DLGAP2: variants seen among roughly 807,000 people sequenced by gnomAD.
The protein encoded by DLGAP2 is disks large-associated protein 2.
A neutral mutation model predicts 100.3 loss-of-function variants in DLGAP2; 26 were observed. The observed-to-expected ratio is 0.26, with a 90% CI of 0.19 to 0.36. DLGAP2 has a LOEUF of 0.36. DLGAP2 is among the 10% of genes least tolerant of loss of function. The probability of loss-of-function intolerance (pLI) is 1.00; values close to 1 mark genes in which losing one functional copy is unlikely to be tolerated. For synonymous variants in DLGAP2, 886 were observed against 630.1 expected (o/e 1.41, Z -6.08); for missense variants, 1,858 against 1,453.2 (o/e 1.28, Z -4.53).
chr8:932,828 A>T (rs1011847811), intron 2 of DLGAP2, among the ~76,000 whole-genome samples: 4 of 152,206 alleles, frequency 2.6e-5, no homozygotes, highest in Non-Finnish European at 5.9e-5. Context: ...TAAAAAAAAA[A>T]TTTCTTAAGA....
chr8:870,741 C>A (rs1336809371), intron 1 of DLGAP2, among the ~76,000 whole-genome samples: 2 of 152,120 alleles, frequency 1.3e-5, no homozygotes, highest in Admixed American at 6.6e-5. Context: ...TCCCTGAGCC[C>A]CTGGAGTGGG....
chr8:1,095,071 C>T (rs1214446242), intron 2 of DLGAP2, among the ~76,000 whole-genome samples: 1 of 141,170 alleles, frequency 7.1e-6, no homozygotes, highest in Non-Finnish European at 1.5e-5. Flanking sequence ...GACCACCTTC[C>T]CAGGGTGGAG....
intron 1 of DLGAP2, among the ~76,000 whole-genome samples, chr8:818,137 T>A (rs1458720575): frequency 6.6e-6 from 1 of 152,158 alleles, no homozygotes; most frequent in Non-Finnish European, 1.5e-5. Flanking sequence ...GGGACAGGCA[T>A]GTCTGAGCTC....
intron 1 of DLGAP2, among the ~76,000 whole-genome samples, chr8:811,355 C>G (rs1796366567): frequency 6.6e-6 from 1 of 151,730 alleles, no homozygotes; most frequent in Non-Finnish European, 1.5e-5. Flanking sequence ...GGATGAAGCT[C>G]CCATCAACCT....
At chr8:1,671,615 A>G (rs1002006650) in intron 10 of DLGAP2, among the ~76,000 whole-genome samples, 1 of 152,154 alleles carries the variant, frequency 6.6e-6, no homozygotes, top group African/African-American at 2.4e-5. Flanking sequence ...TGAATTCAGG[A>G]TTCTCATTAT....
chr8:925,078 T>C (rs541569772), intron 2 of DLGAP2, among the ~76,000 whole-genome samples: 13 of 152,196 alleles, frequency 8.5e-5, no homozygotes, highest in Admixed American at 6.5e-5. Context: ...TTGATAATTA[T>C]GTTGATAATG....
At chr8:963,156 T>C (rs921050561) in intron 2 of DLGAP2, among the ~76,000 whole-genome samples, 24 of 151,764 alleles carry the variant, frequency 1.6e-4, no homozygotes, top group African/African-American at 5.6e-4. Context: ...CGAAGGAGAG[T>C]CCACACCCAG....
rs919671632 is a variant in DLGAP2, at chr8:742,140, C to A, written c.18+4315C>A. ...CTGACAAGCAAATGGGATGTATGGG[C>A]TTTTAGTTTCTTCAGACATTTCCAC... On this transcript the variant is annotated intron_variant, in intron 1 of 14. Transcript: ENST00000637795. Among the ~76,000 whole-genome samples the A allele has an allele frequency of 4.6e-5, 7 of 152,134 alleles. No individual in the cohort carries two copies. In the East Asian group the frequency reaches 1.2e-3, roughly 25 times the overall value.
At chr8:1,434,897 C>T (rs1437180772) in intron 3 of DLGAP2, among the ~76,000 whole-genome samples, 2 of 152,208 alleles carry the variant, frequency 1.3e-5, no homozygotes, top group Non-Finnish European at 2.9e-5. Context: ...TCCTTCTTAT[C>T]ACTGGGCTTT....
intron 1 of DLGAP2, among the ~76,000 whole-genome samples, chr8:870,271 C>T (rs561269812): frequency 6.6e-6 from 1 of 152,298 alleles, no homozygotes; most frequent in East Asian, 1.9e-4. Flanking sequence ...GCGGTTATTA[C>T]AATCATGCAG....
intron 1 of DLGAP2, among the ~76,000 whole-genome samples, chr8:807,844 C>T (rs568199924): frequency 7.9e-5 from 12 of 152,162 alleles, no homozygotes; most frequent in Non-Finnish European, 1.3e-4. Flanking sequence ...TGCTGGTGCA[C>T]AGGAATAAGG....
intron 3 of DLGAP2, among the ~76,000 whole-genome samples, chr8:1,370,744 G>C (rs1371634892): frequency 1.2e-4 from 18 of 152,152 alleles, no homozygotes. Context: ...GTGTATGTAG[G>C]AGCCGGACTC....
chr8:1,036,526 G>A (rs1342407071), intron 2 of DLGAP2, among the ~76,000 whole-genome samples: 3 of 152,182 alleles, frequency 2.0e-5, no homozygotes, highest in Non-Finnish European at 4.4e-5. Context: ...GATGGAAGGC[G>A]CTGTCCCTCA....
At chr8:950,747 G>T (rs769874456) in intron 2 of DLGAP2, among the ~76,000 whole-genome samples, 6 of 149,992 alleles carry the variant, frequency 4.0e-5, no homozygotes, top group Non-Finnish European at 8.9e-5. Flanking sequence ...TCAGCCTCCC[G>T]AGTAGCTGGG....
chr8:1,192,847 G>A (rs1260231434), intron 2 of DLGAP2, among the ~76,000 whole-genome samples: 10 of 149,548 alleles, frequency 6.7e-5, no homozygotes, highest in African/African-American at 2.5e-4. Flanking sequence ...AACAGGCCCT[G>A]GTGTGTGATG....
At chr8:1,633,114 G>A in intron 8 of DLGAP2, 68 bp downstream of exon 8, 1 of 1,515,128 alleles carries the variant, frequency 6.6e-7, no homozygotes, top group Non-Finnish European at 9.1e-7. Flanking sequence ...ATCCTAGAAG[G>A]AGCGAGCAGC....
intron 2 of DLGAP2, among the ~76,000 whole-genome samples, chr8:1,006,079 C>G (rs1801100877): frequency 6.6e-6 from 1 of 152,078 alleles, no homozygotes; most frequent in South Asian, 2.1e-4. Flanking sequence ...ATCACAGGTA[C>G]TCGGGAGGCT....
intron 2 of DLGAP2, among the ~76,000 whole-genome samples, chr8:1,202,350 C>T (rs1440414757): frequency 2.6e-5 from 4 of 151,508 alleles, no homozygotes; most frequent in African/African-American, 4.9e-5. Context: ...GGGGCAGGCA[C>T]GGCTCCTCTT....
chr8:1,447,827 G>C (rs534501651), intron 3 of DLGAP2, among the ~76,000 whole-genome samples: 79 of 152,312 alleles, frequency 5.2e-4, no homozygotes, highest in Non-Finnish European at 4.1e-4. Flanking sequence ...CAGTGTATGT[G>C]TTGAGGAATT....
Sources: gnomAD v4.1 joint callset for allele counts (sites outside exome capture counted in the v4.1 genomes callset) on GRCh38, gnomAD v4.1.1 for gene constraint, MANE v1.5 for transcripts, NCBI Gene and HGNC (gene_info 2026-07-23, HGNC 2026-07-21) for gene names.